Variants in PTGFR observed in about 807,000 individuals in gnomAD.
PTGFR encodes the protein prostaglandin F2-alpha receptor.
A neutral mutation model predicts 26.2 loss-of-function variants in PTGFR; 15 were observed. That is an observed-to-expected ratio of 0.57 (90% CI 0.38 to 0.88). The LOEUF is 0.88. PTGFR is among the 40% of genes least tolerant of loss of function. The pLI, the probability that PTGFR is intolerant of heterozygous loss-of-function variation, is 0.00. For synonymous variants in PTGFR, 165 were observed against 151.1 expected, an observed-to-expected ratio of 1.09 and a Z score of -0.68; for missense variants, 369 against 427.2, an observed-to-expected ratio of 0.86 and a Z score of 1.20.
chr1:78,529,441 A>C, intron 2 of PTGFR, among the ~76,000 whole-genome samples: 1 of 152,204 alleles, frequency 6.6e-6, no homozygotes, highest in African/African-American at 2.4e-5. Flanking sequence ...CATAACTAAT[A>C]TTTTCTTAGT....
At chr1:78,520,723 A>G (rs1650202476) in intron 2 of PTGFR, among the ~76,000 whole-genome samples, 1 of 152,070 alleles carries the variant, frequency 6.6e-6, no homozygotes, top group South Asian at 2.1e-4. Context: ...CTTATCTTGA[A>G]TGTGTTATAA....
At chr1:78,525,321 G>C (rs552177) in intron 2 of PTGFR, among the ~76,000 whole-genome samples, 6,573 of 151,970 alleles carry the variant, frequency 0.043, 467 homozygotes, top group African/African-American at 0.15. Context: ...TACAAATTCA[G>C]GTTTCCCACT....
intron 2 of PTGFR, among the ~76,000 whole-genome samples, chr1:78,519,856 A>C (rs1336619136): frequency 6.6e-6 from 1 of 152,140 alleles, no homozygotes; most frequent in Non-Finnish European, 1.5e-5. Flanking sequence ...GTAGGTTCTT[A>C]CCTACCAATT....
intron 2 of PTGFR, among the ~76,000 whole-genome samples, chr1:78,529,319 T>C (rs1650450385): frequency 6.6e-6 from 1 of 152,194 alleles, no homozygotes; most frequent in Non-Finnish European, 1.5e-5. Flanking sequence ...ACTAGTTTTT[T>C]CTTTAATTCA....
chr1:78,514,644 T>C (rs1650051194), intron 2 of PTGFR, among the ~76,000 whole-genome samples: 1 of 152,106 alleles, frequency 6.6e-6, no homozygotes. Context: ...GGACATAAGA[T>C]TTGGGGCCTA....
rs374496848 is a variant in PTGFR at position 78,540,088 on chromosome 1, T to A, written c.*3401T>A. Reference sequence around the variant, plus strand: ...GTTTGTATCTCCCACATGGTTCCTGTCCACTCTGAAGGGGAGCTCTGCTGT... The same window carrying A: ...GTTTGTATCTCCCACATGGTTCCTGACCACTCTGAAGGGGAGCTCTGCTGT... On this transcript the variant is annotated 3_prime_UTR_variant, in exon 3 of 3. Transcript: ENST00000370757. Among the ~76,000 whole-genome samples, 44 of 152,202 alleles carry A rather than the reference T, an allele frequency of 2.9e-4. No individual in the cohort carries two copies. Among genetic ancestry groups the A allele is most frequent in the Non-Finnish European group, 4.9e-4 (33 of 67,984 alleles).
chr1:78,529,398 G>A (rs1332443329), intron 2 of PTGFR, among the ~76,000 whole-genome samples: 1 of 152,034 alleles, frequency 6.6e-6, no homozygotes, highest in East Asian at 1.9e-4. Context: ...GGATGAAAAT[G>A]TCTTATGCAT....
intron 2 of PTGFR, among the ~76,000 whole-genome samples, chr1:78,527,742 A>T (rs1650405924): frequency 6.6e-6 from 1 of 151,966 alleles, no homozygotes; most frequent in South Asian, 2.1e-4. Flanking sequence ...GTTAACAAAT[A>T]GACAGCCACT....
Position 78,492,679 on chromosome 1 carries a change from G to A in PTGFR, c.-65G>A. 8 of 1,444,638 alleles carry A rather than the reference G, an allele frequency of 5.5e-6. No individual in the cohort carries two copies. The highest frequency in any genetic ancestry group is 7.5e-6 in the Non-Finnish European group (8 of 1,060,014). 89.5% of individuals were successfully genotyped at this position (1,444,638 alleles called of 1,614,324 possible). On this transcript the variant is annotated 5_prime_UTR_variant, in exon 2 of 3. Transcript: ENST00000370757. ...TCTCCCTTTATCCTACAGATGTCTG[G>A]ACTGCAATCCTGCACAGTTTTGAGA...
At chr1:78,533,519 C>G (rs1650571025) in intron 2 of PTGFR, among the ~76,000 whole-genome samples, 1 of 152,164 alleles carries the variant, frequency 6.6e-6, no homozygotes, top group African/African-American at 2.4e-5. Context: ...TTCTCAGAAT[C>G]CCTTCAGTTA....
intron 2 of PTGFR, among the ~76,000 whole-genome samples, chr1:78,504,596 G>C (rs1649782354): frequency 6.6e-6 from 1 of 152,010 alleles, no homozygotes; most frequent in Non-Finnish European, 1.5e-5. Context: ...TTCTTTTGTG[G>C]TTACTGATTG....
At chr1:78,524,140 C>T (rs1650311754) in intron 2 of PTGFR, among the ~76,000 whole-genome samples, 1 of 151,836 alleles carries the variant, frequency 6.6e-6, no homozygotes, top group Non-Finnish European at 1.5e-5. Context: ...AAAAGAATGA[C>T]ATCACATGAT....
intron 2 of PTGFR, among the ~76,000 whole-genome samples, chr1:78,515,347 A>G (rs1650068485): frequency 6.6e-6 from 1 of 152,172 alleles, no homozygotes; most frequent in Non-Finnish European, 1.5e-5. Flanking sequence ...ACAGGTAAAT[A>G]CCATTTATTA....
chr1:78,519,057 A>T (rs1401117402), intron 2 of PTGFR, among the ~76,000 whole-genome samples: 1 of 152,146 alleles, frequency 6.6e-6, no homozygotes, highest in Non-Finnish European at 1.5e-5. Flanking sequence ...TTGGCCCTGA[A>T]ATTGCCTATC....
At chr1:78,515,379 A>G (rs1244692649) in intron 2 of PTGFR, among the ~76,000 whole-genome samples, 1 of 152,232 alleles carries the variant, frequency 6.6e-6, no homozygotes, top group Non-Finnish European at 1.5e-5. Flanking sequence ...TATAATTAAA[A>G]TCAGAAGACT....
chr1:78,525,965 GTCT>G (rs1650362441), intron 2 of PTGFR, among the ~76,000 whole-genome samples: 1 of 152,050 alleles, frequency 6.6e-6, no homozygotes, highest in Non-Finnish European at 1.5e-5. Context: ...ATTGGAAGTA[GTCT>G]TCTGGAATTA....
At position 78,514,970 on chromosome 1, in the gene PTGFR, G is replaced by A. The variant is rs374786161; in HGVS notation, c.798+21429G>A. Among the ~76,000 whole-genome samples, 7 of 152,078 alleles carry A rather than the reference G, an allele frequency of 4.6e-5. No homozygotes were observed. The South Asian group carries it at 1.0e-3, about 23-fold the overall frequency. On this transcript the variant is annotated intron_variant, in intron 2 of 2. Transcript: ENST00000370757. ...GCCTTTACCAGACACAGATGCCAGC[G>A]CCATGCTTCCTGTACAGCCTGCAAA...
intron 2 of PTGFR, among the ~76,000 whole-genome samples, chr1:78,503,433 A>T (rs1422050756): frequency 6.6e-6 from 1 of 152,200 alleles, no homozygotes; most frequent in East Asian, 1.9e-4. Context: ...GAATATGAGT[A>T]ATAGGAAGGA....
chr1:78,502,256 G>A (rs1319175105), intron 2 of PTGFR, among the ~76,000 whole-genome samples: 1 of 152,066 alleles, frequency 6.6e-6, no homozygotes, highest in Admixed American at 6.6e-5. Flanking sequence ...CTTTCCTCAA[G>A]GAACTTATAA....
Sources: allele counts gnomAD v4.1 joint callset (sites outside exome capture counted in the v4.1 genomes callset), GRCh38; gene constraint gnomAD v4.1.1; transcripts MANE v1.5; gene names NCBI Gene and HGNC (gene_info 2026-07-23, HGNC 2026-07-21).